Variants in RAD52 observed in about 807,000 individuals in gnomAD.
RAD52 encodes the protein RAD52 DNA repair protein, also known as DNA repair protein RAD52 homolog.
In RAD52, 47 loss-of-function variants were observed where a neutral mutation model predicts 55.5. The observed-to-expected ratio is 0.85, with a 90% CI of 0.67 to 1.08. RAD52 has a LOEUF of 1.08. Ranked by LOEUF, RAD52 falls within the 50% of genes least tolerant of loss-of-function variation. RAD52 has a pLI of 0.00. For synonymous variants in RAD52, 184 were observed against 198.9 expected (o/e 0.92, Z 0.63); for missense variants, 468 against 522.8 (o/e 0.90, Z 1.02).
intron 7 of RAD52, among the ~76,000 whole-genome samples, chr12:921,785 C>T (rs1012926628): frequency 4.6e-5 from 7 of 152,072 alleles, no homozygotes; most frequent in Non-Finnish European, 8.8e-5. Flanking sequence ...TCTCCAAAGA[C>T]GATAAACAGA....
At chr12:937,290 C>G (rs947562079) in intron 1 of RAD52, among the ~76,000 whole-genome samples, 2 of 152,154 alleles carry the variant, frequency 1.3e-5, no homozygotes, top group African/African-American at 4.8e-5. Context: ...CACCTTTCCC[C>G]TACCTCTGCT....
chr12:964,526 C>T (rs1958731301), intron 1 of RAD52, among the ~76,000 whole-genome samples: 1 of 151,992 alleles, frequency 6.6e-6, no homozygotes, highest in Non-Finnish European at 1.5e-5. Context: ...TGAGATCGTG[C>T]CACTGCGCTC....
chr12:936,655 G>A (rs1197200075), intron 1 of RAD52, among the ~76,000 whole-genome samples: 2 of 152,016 alleles, frequency 1.3e-5, no homozygotes, highest in Non-Finnish European at 1.5e-5. Flanking sequence ...ATCATGCCAG[G>A]TTAATTTTTT....
intron 1 of RAD52, among the ~76,000 whole-genome samples, chr12:984,214 G>T (rs1366869367): frequency 1.3e-5 from 2 of 151,780 alleles, no homozygotes; most frequent in East Asian, 3.9e-4. Flanking sequence ...TTTTCTTTTT[G>T]AGACAGAGTT....
intron 3 of RAD52, among the ~76,000 whole-genome samples, chr12:930,484 C>T (rs996693781): frequency 1.3e-5 from 2 of 152,024 alleles, no homozygotes; most frequent in African/African-American, 4.8e-5. Flanking sequence ...GGAACTCACC[C>T]AGCAGTTGCT....
At position 913,902 on chromosome 12, in the gene RAD52, C is replaced by T. The variant is rs572909764; in HGVS notation, c.1187G>A (p.Arg396His). The change falls in exon 11 of 12, where the codon CGC (arginine) becomes CAC (histidine). Residue 396 changes from arginine to histidine, a missense_variant. By Grantham distance (29) the Arg-to-His change is conservative (BLOSUM62 0). Transcript: ENST00000358495. Reference sequence around the variant, plus strand: ...AAACACCTCTCTGCTACCTGTTGTGCGTTGGTCAGCGCTATAAGTTTGGAG... The same window carrying T: ...AAACACCTCTCTGCTACCTGTTGTGTGTTGGTCAGCGCTATAAGTTTGGAG... The part of the protein sequence containing the change: ...WDLQTYSADQ[R>H]TTGNWESHRK... 1.9e-5 allele frequency: 31 copies of T among 1,613,806 alleles called. No individual in the cohort carries two copies. The highest frequency in any genetic ancestry group is 1.6e-4 in the East Asian group (7 of 44,884).
chr12:956,172 C>A (rs909205669), intron 1 of RAD52, among the ~76,000 whole-genome samples: 2 of 152,088 alleles, frequency 1.3e-5, no homozygotes, highest in Non-Finnish European at 2.9e-5. Context: ...TTTTGTTCAT[C>A]CTCTTCTGTT....
rs58854002 is a variant in RAD52, at chr12:941,122, CACAG to C, written c.-18-8050_-18-8047del. Among the ~76,000 whole-genome samples the C allele has an allele frequency of 9.0e-4, 137 of 152,014 alleles. 1 individual carries two copies. The East Asian group carries it at 0.021, about 24-fold the overall frequency. On this transcript the variant is annotated intron_variant, in intron 1 of 11. Transcript: ENST00000358495. ...CAAATAAAATGACACCTAGATACAC[CACAG>C]ACAAACTGCTAAAAAACAAAAATAA...
At chr12:928,233 C>T (rs1409332562) in intron 5 of RAD52, among the ~76,000 whole-genome samples, 1 of 152,054 alleles carries the variant, frequency 6.6e-6, no homozygotes, top group East Asian at 1.9e-4. Context: ...ATAAGTAGGC[C>T]GGGTGCGGTG....
chr12:967,381 CA>C (rs71055113), intron 1 of RAD52, among the ~76,000 whole-genome samples: 49 of 138,120 alleles, frequency 3.5e-4, no homozygotes, highest in Admixed American at 5.1e-4. Flanking sequence ...GACCTTGTCT[CA>C]AAAAAAAAAA....
chr12:952,814 C>T (rs1958547334), upstream of RAD52, among the ~76,000 whole-genome samples: 1 of 146,172 alleles, frequency 6.8e-6, no homozygotes, highest in South Asian at 2.2e-4. Flanking sequence ...ATTGCTTGAA[C>T]CTGGAAGGTG....
upstream of RAD52, among the ~76,000 whole-genome samples, chr12:949,937 C>T (rs1336433518): frequency 1.3e-5 from 2 of 152,212 alleles, no homozygotes; most frequent in African/African-American, 4.8e-5. Flanking sequence ...GCCAGCTTCC[C>T]TCGGTCCGCG....
intron 3 of RAD52, among the ~76,000 whole-genome samples, chr12:930,474 G>A (rs1027663893): frequency 2.1e-4 from 32 of 151,930 alleles, no homozygotes; most frequent in Admixed American, 2.0e-3. Flanking sequence ...GTTGGGAGGA[G>A]GAACTCACCC....
chr12:916,607 G>A (rs757675747), intron 8 of RAD52, 32 bp downstream of exon 8: 8 of 1,600,692 alleles, frequency 5.0e-6, no homozygotes, highest in Admixed American at 3.4e-5. Flanking sequence ...AGGAGGGGCC[G>A]CAGAGGAAAG....
At chr12:939,057 T>TGTGTGC (rs1479271133) in intron 1 of RAD52, among the ~76,000 whole-genome samples, 3 of 107,542 alleles carry the variant, frequency 2.8e-5, no homozygotes, top group African/African-American at 8.1e-5. Flanking sequence ...ACTAATTGTG[T>TGTGTGC]GTGTGTGTGT....
intron 1 of RAD52, among the ~76,000 whole-genome samples, chr12:972,515 C>G (rs1032807781): frequency 5.9e-5 from 9 of 151,890 alleles, no homozygotes; most frequent in African/African-American, 2.2e-4. Flanking sequence ...GCCTGTAATC[C>G]CAGCACTTTG....
upstream of RAD52, among the ~76,000 whole-genome samples, chr12:953,371 G>A (rs191979217): frequency 5.7e-4 from 87 of 152,172 alleles, no homozygotes; most frequent in Non-Finnish European, 1.0e-3. Flanking sequence ...TCTGAAGATG[G>A]AGGCAGAGAT....
chr12:939,935 C>T (rs963931232), intron 1 of RAD52, among the ~76,000 whole-genome samples: 6 of 151,988 alleles, frequency 3.9e-5, no homozygotes, highest in African/African-American at 1.2e-4. Flanking sequence ...ATTAGGTGGG[C>T]GTGGTTGTGT....
At position 920,417 on chromosome 12, in the gene RAD52, G is replaced by A. The variant is rs1160203315; in HGVS notation, c.544-3597C>T. 1.1e-4 allele frequency among the ~76,000 whole-genome samples: 6 copies of A among 54,216 alleles called. 2 individuals carry two copies. The highest frequency in any genetic ancestry group is 1.8e-4 in the African/African-American group (2 of 11,072). 35.6% of individuals were successfully genotyped at this position (54,216 alleles called of 152,430 possible). ...TAAAAATACAAAAAATTAGCCGGGCGTAGGTGGCGGGCGCCTGTAGTCCCA... is the reference window on the plus strand; with the variant it reads ...TAAAAATACAAAAAATTAGCCGGGCATAGGTGGCGGGCGCCTGTAGTCCCA... On this transcript the variant is annotated intron_variant, in intron 7 of 11. Transcript: ENST00000358495.
Sources: gnomAD v4.1 joint callset for allele counts (sites outside exome capture counted in the v4.1 genomes callset) on GRCh38, gnomAD v4.1.1 for gene constraint, MANE v1.5 for transcripts, NCBI Gene and HGNC (gene_info 2026-07-23, HGNC 2026-07-21) for gene names.